Variants in ABLIM1 observed in about 807,000 individuals in gnomAD.
The protein encoded by ABLIM1 is actin binding LIM protein 1, also known as actin-binding LIM protein 1.
A neutral mutation model predicts 107.0 loss-of-function variants in ABLIM1; 40 were observed. The observed-to-expected ratio is 0.37, with a 90% CI of 0.29 to 0.49. ABLIM1 has a LOEUF of 0.49. Ranked by LOEUF, ABLIM1 falls within the 20% of genes least tolerant of loss-of-function variation. The pLI is 0.97. For synonymous variants in ABLIM1, 357 were observed against 357.3 expected, an observed-to-expected ratio of 1.00 and a Z score of 0.01; for missense variants, 857 against 1,008.5, an observed-to-expected ratio of 0.85 and a Z score of 2.04.
the ABLIM1 span, among the ~76,000 whole-genome samples, chr10:114,799,666 T>C: frequency 6.6e-6 from 1 of 152,214 alleles, no homozygotes; most frequent in African/African-American, 2.4e-5. Context: ...CTTCCTCCAC[T>C]AGTCAAGCCA....
At chr10:114,623,155 A>C (rs1270826351) in intron 1 of ABLIM1, among the ~76,000 whole-genome samples, 3 of 152,190 alleles carry the variant, frequency 2.0e-5, no homozygotes, top group Non-Finnish European at 2.9e-5. Flanking sequence ...ACTTTTACCC[A>C]AAAATTCCAA....
chr10:114,632,641 G>T, intron 1 of ABLIM1: 1 of 985,438 alleles, frequency 1.0e-6, no homozygotes, highest in Non-Finnish European at 1.2e-6. Flanking sequence ...GACAGCCGGG[G>T]AAGAGGATCT....
chr10:114,699,575 TA>T (rs1419255847), intron 1 of ABLIM1, among the ~76,000 whole-genome samples: 1 of 152,072 alleles, frequency 6.6e-6, no homozygotes, highest in East Asian at 1.9e-4. Flanking sequence ...TTCTACCTAA[TA>T]GGGGTAAGAA....
chr10:114,749,686 A>G (rs982178047), intron 1 of ABLIM1, among the ~76,000 whole-genome samples: 25 of 152,210 alleles, frequency 1.6e-4, no homozygotes, highest in Admixed American at 9.8e-4. Context: ...AAGATAGCAC[A>G]TGACTGCTCC....
intron 2 of ABLIM1, among the ~76,000 whole-genome samples, chr10:114,596,380 C>A (rs1328711852): frequency 2.0e-5 from 3 of 152,320 alleles, no homozygotes; most frequent in African/African-American, 7.2e-5. Flanking sequence ...AGCACAGTGT[C>A]CTGCATGGAG....
rs1158947105 is a variant in ABLIM1, at chr10:114,644,329, A to ATATG, written c.244+13627_244+13628insCATA. On this transcript the variant is annotated intron_variant, in intron 1 of 22. Coordinates refer to ENST00000533213, the MANE Select transcript of ABLIM1 (RefSeq NM_002313.7). The stretch of plus-strand genomic sequence containing the variant: ...AAAATATATATATATATATATATAT[A>ATATG]TGTGTATATATTGTATATATACATA... Among the ~76,000 whole-genome samples the ATATG allele has an allele frequency of 3.6e-3, 417 of 114,892 alleles. 5 individuals are homozygous for ATATG. Among genetic ancestry groups the ATATG allele is most frequent in the East Asian group, 0.015 (56 of 3,644 alleles). 75.4% of individuals were successfully genotyped at this position (114,892 alleles called of 152,430 possible).
intron 1 of ABLIM1, among the ~76,000 whole-genome samples, chr10:114,627,552 C>T (rs1241578979): frequency 1.3e-5 from 2 of 151,934 alleles, no homozygotes; most frequent in East Asian, 1.9e-4. Flanking sequence ...GAGATGATAA[C>T]GGAATAGGGA....
At chr10:114,755,496 C>A (rs1165621139) in intron 1 of ABLIM1, among the ~76,000 whole-genome samples, 1 of 152,184 alleles carries the variant, frequency 6.6e-6, no homozygotes, top group African/African-American at 2.4e-5. Context: ...TTACTCATTC[C>A]TGTGCTTCAT....
intron 1 of ABLIM1, among the ~76,000 whole-genome samples, chr10:114,748,659 C>T (rs78464252): frequency 1.6e-3 from 199 of 121,450 alleles, no homozygotes; most frequent in Middle Eastern, 4.0e-3. Flanking sequence ...TTTTTTTTTT[C>T]TTTTTTTTTT....
rs549167096 is a variant in ABLIM1, at chr10:114,529,753, G to C, written c.894+15252C>G. Among the ~76,000 whole-genome samples, 129 of 152,296 alleles carry C rather than the reference G, an allele frequency of 8.5e-4. No individual in the cohort carries two copies. The Middle Eastern group carries it at 0.034, about 40-fold the overall frequency. On this transcript the variant is annotated intron_variant, in intron 6 of 22. Transcript: ENST00000533213. ...GAAATAACCCGAAGGTGGGCTGGGC[G>C]TGGTGGCTCACACCTGTATTTCCAG...
intron 1 of ABLIM1, chr10:114,613,698 G>C (rs1240678592): frequency 7.6e-7 from 1 of 1,323,318 alleles, no homozygotes; most frequent in East Asian, 5.1e-5. Context: ...GGAGATGAAA[G>C]CATGAGACCT....
intron 1 of ABLIM1, among the ~76,000 whole-genome samples, chr10:114,701,161 G>A (rs1316382416): frequency 6.6e-6 from 1 of 152,132 alleles, no homozygotes; most frequent in African/African-American, 2.4e-5. Flanking sequence ...GGTTAGATAT[G>A]CAAATGACCA....
chr10:114,645,246 G>A (rs61867929), intron 1 of ABLIM1, among the ~76,000 whole-genome samples: 14,288 of 151,936 alleles, frequency 0.094, 1,538 homozygotes, highest in African/African-American at 0.26. Context: ...GTGATGGGGA[G>A]GTGGTAGATA....
intron 6 of ABLIM1, among the ~76,000 whole-genome samples, chr10:114,517,654 C>T (rs140514074): frequency 9.2e-5 from 14 of 152,128 alleles, no homozygotes; most frequent in Admixed American, 3.3e-4. Flanking sequence ...TACTTTTTTG[C>T]GATAAACTGT....
chr10:114,612,460 T>C (rs1267984288), intron 1 of ABLIM1, among the ~76,000 whole-genome samples: 4 of 152,192 alleles, frequency 2.6e-5, no homozygotes, highest in Non-Finnish European at 4.4e-5. Context: ...TATTCTGTTC[T>C]AGCAACACAA....
At chr10:114,573,664 T>A (rs1255550869) in intron 3 of ABLIM1, among the ~76,000 whole-genome samples, 1 of 152,194 alleles carries the variant, frequency 6.6e-6, no homozygotes, top group Non-Finnish European at 1.5e-5. Flanking sequence ...AATTGATCTT[T>A]GTGGAGAGAC....
At chr10:114,742,979 T>C (rs2082315792) in intron 1 of ABLIM1, among the ~76,000 whole-genome samples, 1 of 152,154 alleles carries the variant, frequency 6.6e-6, no homozygotes, top group African/African-American at 2.4e-5. Flanking sequence ...TTAAATTAGT[T>C]AATCTGTGTA....
intron 6 of ABLIM1, among the ~76,000 whole-genome samples, chr10:114,529,187 C>T (rs1382624670): frequency 2.0e-5 from 3 of 149,234 alleles, no homozygotes; most frequent in East Asian, 2.0e-4. Context: ...TGCAGTGGTG[C>T]GATACTGGCT....
chr10:114,718,062 AAAGGAAGAAAGG>A lies in ABLIM1; in HGVS notation c.-213+49987_-213+49998del, dbSNP rs1431630837. Among the ~76,000 whole-genome samples, 268 of 47,502 alleles carry A rather than the reference AAAGGAAGAAAGG, an allele frequency of 5.6e-3. 11 individuals are homozygous for A. The highest frequency in any genetic ancestry group is 9.7e-3 in the Non-Finnish European group (203 of 20,836). 31.2% of individuals were successfully genotyped at this position (47,502 alleles called of 152,430 possible). ...GAGAAAGAGAAAGAAAGAAAGAAAG[AAAGGAAGAAAGG>A]AAGGAAGGAAGGAAGGAAGGAAAAG... On this transcript the variant is annotated intron_variant, in intron 1 of 15. Coordinates refer to the ABLIM1 transcript ENST00000651092.
Sources: gnomAD v4.1 joint callset for allele counts (sites outside exome capture counted in the v4.1 genomes callset) on GRCh38, gnomAD v4.1.1 for gene constraint, MANE v1.5 for transcripts, NCBI Gene and HGNC (gene_info 2026-07-23, HGNC 2026-07-21) for gene names.